The following VTA1 variants were observed in gnomAD, a reference collection of about 807,000 sequenced individuals.
The protein encoded by VTA1 is vesicle trafficking 1, also known as vacuolar protein sorting-associated protein VTA1 homolog.
In VTA1, 24 loss-of-function variants were observed where a neutral mutation model predicts 36.9. The observed-to-expected ratio is 0.65, with a 90% CI of 0.47 to 0.91. The LOEUF (loss-of-function observed/expected upper bound fraction) is 0.91. Among genes scored for constraint, VTA1 ranks in the 40% least tolerant of loss-of-function variants. The pLI is 0.00. For synonymous variants in VTA1, 142 were observed against 130.2 expected (o/e 1.09, Z -0.62); for missense variants, 393 against 377.2 (o/e 1.04, Z -0.35).
chr6:142,191,670 A>AT (rs1209363541), intron 5 of VTA1, among the ~76,000 whole-genome samples: 1 of 152,066 alleles, frequency 6.6e-6, no homozygotes, highest in Non-Finnish European at 1.5e-5. Flanking sequence ...AAAGGAGAAT[A>AT]TTTTCACTGC....
In VTA1 at chr6:142,224,426, G is replaced by A. The variant is rs1296806970; in HGVS notation, c.*5783G>A. The A allele has an allele frequency of 6.6e-6, 1 of 152,200 alleles. No individual in the cohort carries two copies. Among genetic ancestry groups the A allele is most frequent in the Non-Finnish European group, 1.5e-5 (1 of 68,038 alleles). 9.4% of individuals were successfully genotyped at this position (152,200 alleles called of 1,614,324 possible). A position where few individuals can be genotyped will look rare whatever the true frequency, so the allele number is the denominator to read the frequency against. On this transcript the variant is annotated 3_prime_UTR_variant, in exon 8 of 8. Coordinates refer to ENST00000367630, the MANE Select transcript of VTA1 (RefSeq NM_016485.5). The stretch of plus-strand genomic sequence containing the variant: ...ATACAATGCTTTCTGTATAAAACCA[G>A]TAATACCTGAGAAACAACAGTAACT...
chr6:142,168,220 A>G (rs535561462), intron 2 of VTA1, among the ~76,000 whole-genome samples: 2 of 152,292 alleles, frequency 1.3e-5, no homozygotes, highest in East Asian at 3.9e-4. Context: ...TGCCTTTACA[A>G]ATGATTTTGC....
At chr6:142,218,152 G>A (rs535097829) in intron 7 of VTA1, among the ~76,000 whole-genome samples, 3 of 152,114 alleles carry the variant, frequency 2.0e-5, no homozygotes, top group South Asian at 2.1e-4. Flanking sequence ...CTCAAATGAG[G>A]GTTGAATTGG....
At chr6:142,187,095 C>T (rs1775354506) in intron 4 of VTA1, among the ~76,000 whole-genome samples, 1 of 152,108 alleles carries the variant, frequency 6.6e-6, no homozygotes, top group Non-Finnish European at 1.5e-5. Flanking sequence ...TGTAACTTTT[C>T]CCATATTTGG....
chr6:142,161,372 CG>C (rs1774806320), intron 1 of VTA1, among the ~76,000 whole-genome samples: 1 of 151,844 alleles, frequency 6.6e-6, no homozygotes, highest in South Asian at 2.1e-4. Flanking sequence ...TATCTTTTTG[CG>C]TGTGTTTTTA....
intron 4 of VTA1, among the ~76,000 whole-genome samples, chr6:142,178,572 A>G (rs1445652998): frequency 6.6e-6 from 1 of 152,118 alleles, no homozygotes; most frequent in Non-Finnish European, 1.5e-5. Context: ...GTAAAAGACT[A>G]TATATTTTTA....
chr6:142,213,054 A>T (rs1228767346), intron 7 of VTA1, among the ~76,000 whole-genome samples: 2 of 152,224 alleles, frequency 1.3e-5, no homozygotes, highest in Non-Finnish European at 1.5e-5. Flanking sequence ...TCAAGTTTAT[A>T]GTCCAGACTC....
intron 1 of VTA1, among the ~76,000 whole-genome samples, chr6:142,164,064 G>T (rs2093839419): frequency 6.6e-6 from 1 of 152,076 alleles, no homozygotes; most frequent in Admixed American, 6.6e-5. Context: ...GGCTCTCTTA[G>T]GGGAATATGA....
rs536505378 is a variant in VTA1, at chr6:142,154,021, T to TTG, written c.112+6636_112+6637dup. 7.2e-3 allele frequency among the ~76,000 whole-genome samples: 1,091 copies of TTG among 151,730 alleles called. 14 individuals carry two copies. The highest frequency in any genetic ancestry group is 0.024 in the South Asian group (114 of 4,794). Reference sequence around the variant, plus strand: ...CAGGCTTTGTCAGTTTTACATGTATTTGTGTGTGTGTGTGTATATTTAGTT... The same window carrying TTG: ...CAGGCTTTGTCAGTTTTACATGTATTTGTGTGTGTGTGTGTGTATATTTAGTT... On this transcript the variant is annotated intron_variant, in intron 1 of 7. Coordinates refer to ENST00000367630, the MANE Select transcript of VTA1 (RefSeq NM_016485.5).
chr6:142,181,425 G>A (rs940473077), intron 4 of VTA1, among the ~76,000 whole-genome samples: 2 of 145,194 alleles, frequency 1.4e-5, no homozygotes, highest in South Asian at 4.3e-4. Flanking sequence ...AAGCCACCGT[G>A]CCAGGCCTGA....
rs898124699 is a variant in VTA1, at chr6:142,218,547, C to T, written c.828C>T (p.Cys276=). 14 of 1,613,534 alleles carry T rather than the reference C, an allele frequency of 8.7e-6. No homozygotes were observed. Among genetic ancestry groups the T allele is most frequent in the Admixed American group, 3.3e-5 (2 of 59,970 alleles). The part of the protein sequence containing the change: ...PEDFARAQKY[C]KYAGSALQYE... ...ACTTTGCTAGAGCTCAGAAGTACTG[C>T]AAATATGCTGGCAGTGCTTTGCAGT... The change falls in exon 8 of 8, where the codon TGC becomes TGT. Residue 276 remains cysteine (C), a synonymous_variant. Transcript: ENST00000367630.
intron 5 of VTA1, among the ~76,000 whole-genome samples, chr6:142,191,976 A>G (rs1014971530): frequency 6.6e-6 from 1 of 152,118 alleles, no homozygotes; most frequent in African/African-American, 2.4e-5. Context: ...TTGAATTTCT[A>G]GTAAAACCGT....
At position 142,224,340 on chromosome 6, in the gene VTA1, T is replaced by A. The variant is rs1191418401; in HGVS notation, c.*5697T>A. 1 of 152,180 alleles carries A rather than the reference T, an allele frequency of 6.6e-6. No homozygotes were observed. The highest frequency in any genetic ancestry group is 1.5e-5 in the Non-Finnish European group (1 of 68,034). 9.4% of individuals were successfully genotyped at this position (152,180 alleles called of 1,614,324 possible). ...ATTGTGATATAGGGGATATTCGGAG[T>A]CCTCTGAGACGGGACAAGGACACTG... is the stretch of plus-strand genomic sequence containing the variant. On this transcript the variant is annotated 3_prime_UTR_variant, in exon 8 of 8. Transcript: ENST00000367630.
chr6:142,186,504 G>A (rs116634919), intron 4 of VTA1, among the ~76,000 whole-genome samples: 2,509 of 152,140 alleles, frequency 0.016, 73 homozygotes, highest in African/African-American at 0.057. Flanking sequence ...GGGAGATGAA[G>A]ACCAATCAAG....
chr6:142,199,741 AATG>A (rs1383902451), intron 6 of VTA1, among the ~76,000 whole-genome samples: 1 of 152,242 alleles, frequency 6.6e-6, no homozygotes, highest in Non-Finnish European at 1.5e-5. Flanking sequence ...TTATTGATGA[AATG>A]ATAATTTTAG....
In VTA1 at chr6:142,221,337, C is replaced by T. The variant is rs1776105446; in HGVS notation, c.*2694C>T. The T allele has an allele frequency of 6.6e-6, 1 of 152,110 alleles. No homozygotes were observed. The highest frequency in any genetic ancestry group is 2.4e-5 in the African/African-American group (1 of 41,390). 9.4% of individuals were successfully genotyped at this position (152,110 alleles called of 1,614,324 possible). Reference sequence around the variant, plus strand: ...TTTCAATAGAATAGCCAGGATAGACCTCCCTGAGGTAACATTTGAGCAAAG... The same window carrying T: ...TTTCAATAGAATAGCCAGGATAGACTTCCCTGAGGTAACATTTGAGCAAAG... On this transcript the variant is annotated 3_prime_UTR_variant, in exon 8 of 8. Transcript: ENST00000367630.
intron 7 of VTA1, among the ~76,000 whole-genome samples, chr6:142,210,792 A>AT (rs1172186702): frequency 5.9e-5 from 9 of 152,296 alleles, no homozygotes; most frequent in African/African-American, 2.2e-4. Context: ...GTACCATATG[A>AT]TTCAGCAGTT....
At chr6:142,160,588 C>T (rs1222540841) in intron 1 of VTA1, among the ~76,000 whole-genome samples, 1 of 151,998 alleles carries the variant, frequency 6.6e-6, no homozygotes, top group East Asian at 1.9e-4. Context: ...GCTTGGGACT[C>T]CTCTTCCTGG....
intron 2 of VTA1, among the ~76,000 whole-genome samples, chr6:142,169,226 A>G (rs967509619): frequency 6.6e-6 from 1 of 152,160 alleles, no homozygotes; most frequent in African/African-American, 2.4e-5. Context: ...GGGTAATAAA[A>G]CATGATTTTG....
Sources: allele counts gnomAD v4.1 joint callset (sites outside exome capture counted in the v4.1 genomes callset), GRCh38; gene constraint gnomAD v4.1.1; transcripts MANE v1.5; gene names NCBI Gene and HGNC (gene_info 2026-07-23, HGNC 2026-07-21).